GRXCR1: variants seen among roughly 807,000 people sequenced by gnomAD.
GRXCR1 encodes glutaredoxin domain-containing cysteine-rich protein 1.
Under a neutral mutation model 27.3 loss-of-function variants are expected in GRXCR1, and 27 were observed. The observed-to-expected ratio is 0.99, with a 90% CI of 0.73 to 1.37. GRXCR1 has a LOEUF of 1.37. GRXCR1 is among the 40% of genes most tolerant of loss of function. GRXCR1 has a pLI of 0.00. For synonymous variants in GRXCR1, 122 were observed against 131.1 expected, an observed-to-expected ratio of 0.93 and a Z score of 0.47; for missense variants, 379 against 354.4, an observed-to-expected ratio of 1.07 and a Z score of -0.56.
intron 2 of GRXCR1, among the ~76,000 whole-genome samples, chr4:42,995,690 A>T (rs957923486): frequency 7.9e-5 from 12 of 152,148 alleles, no homozygotes; most frequent in Non-Finnish European, 1.5e-4. Flanking sequence ...TATGTACGCC[A>T]CTCTTTCGGT....
At chr4:42,971,904 A>G (rs1468362689) in intron 2 of GRXCR1, among the ~76,000 whole-genome samples, 2 of 152,180 alleles carry the variant, frequency 1.3e-5, no homozygotes, top group African/African-American at 2.4e-5. Flanking sequence ...TTTAAAAAAC[A>G]TCTCTGATAT....
At chr4:43,025,441 A>G (rs1026984237) in intron 3 of GRXCR1, among the ~76,000 whole-genome samples, 2 of 152,188 alleles carry the variant, frequency 1.3e-5, no homozygotes, top group Admixed American at 6.5e-5. Context: ...CTGAGTATCT[A>G]TCTTTTAAAA....
At chr4:42,963,217 C>T (rs1748168654) in intron 2 of GRXCR1, 83 bp downstream of exon 2, 33 of 1,487,044 alleles carry the variant, frequency 2.2e-5, no homozygotes, top group Non-Finnish European at 2.7e-5. Context: ...ACATTTGCAG[C>T]GTAACTACTG....
Position 42,903,437 on chromosome 4 carries a change from A to G in GRXCR1, c.384+9787A>G, listed in dbSNP as rs533205388. ...TGCCATTCTCCTGCCTCAGCCTCCC[A>G]AGTAGCTGGGACTACAGGCACCCAC... is the stretch of plus-strand genomic sequence containing the variant. On this transcript the variant is annotated intron_variant, in intron 1 of 3. Transcript: ENST00000399770. Among the ~76,000 whole-genome samples the G allele has an allele frequency of 4.1e-3, 587 of 143,320 alleles. 29 individuals are homozygous for G. Among genetic ancestry groups the G allele is most frequent in the Non-Finnish European group, 6.4e-3 (426 of 66,424 alleles). The allele number at this position is 143,320 out of a possible 152,430, so 94.0% of individuals were successfully genotyped here.
At chr4:43,017,825 T>G (rs1186120102) in intron 2 of GRXCR1, among the ~76,000 whole-genome samples, 2 of 152,210 alleles carry the variant, frequency 1.3e-5, no homozygotes, top group East Asian at 3.8e-4. Context: ...TACACTCTCT[T>G]TTGTGGACAC....
At chr4:42,992,433 T>C (rs917231125) in intron 2 of GRXCR1, among the ~76,000 whole-genome samples, 4 of 152,192 alleles carry the variant, frequency 2.6e-5, no homozygotes, top group Admixed American at 1.3e-4. Flanking sequence ...TGTGATTTTA[T>C]GCATTATATG....
intron 3 of GRXCR1, among the ~76,000 whole-genome samples, chr4:43,025,567 G>A (rs1349088626): frequency 6.6e-6 from 1 of 152,204 alleles, no homozygotes; most frequent in Non-Finnish European, 1.5e-5. Flanking sequence ...CTATTCAGAG[G>A]AGAGGAGACA....
At chr4:43,022,053 A>C (rs930919108) in intron 3 of GRXCR1, among the ~76,000 whole-genome samples, 2 of 152,104 alleles carry the variant, frequency 1.3e-5, no homozygotes, top group Non-Finnish European at 2.9e-5. Context: ...GGATCTATTT[A>C]TTTCTTTCTG....
chr4:42,983,516 T>C (rs1254057140), intron 2 of GRXCR1, among the ~76,000 whole-genome samples: 2 of 151,588 alleles, frequency 1.3e-5, no homozygotes, highest in Non-Finnish European at 2.9e-5. Context: ...TTCTTTTGGC[T>C]TAGGATTGAC....
At chr4:42,936,576 T>C (rs1747462953) in intron 1 of GRXCR1, among the ~76,000 whole-genome samples, 1 of 151,924 alleles carries the variant, frequency 6.6e-6, no homozygotes, top group Non-Finnish European at 1.5e-5. Flanking sequence ...AATGAACCAA[T>C]ACTGATAAAT....
intron 3 of GRXCR1, among the ~76,000 whole-genome samples, chr4:43,020,919 G>T (rs554498876): frequency 6.6e-6 from 1 of 152,052 alleles, no homozygotes; most frequent in South Asian, 2.1e-4. Context: ...ACATGCAACC[G>T]GAAAGCCCTT....
At chr4:43,023,461 G>A (rs1481265037) in intron 3 of GRXCR1, among the ~76,000 whole-genome samples, 1 of 152,190 alleles carries the variant, frequency 6.6e-6, no homozygotes, top group Non-Finnish European at 1.5e-5. Context: ...AATTGCTGGG[G>A]AAGCTGAGTC....
intron 2 of GRXCR1, among the ~76,000 whole-genome samples, chr4:42,979,352 T>C (rs1009471044): frequency 3.9e-5 from 6 of 152,094 alleles, no homozygotes; most frequent in African/African-American, 1.4e-4. Context: ...TTGAGATACA[T>C]TTCTTCTATA....
At position 42,963,152 on chromosome 4, in the gene GRXCR1, G is replaced by T; in HGVS notation, c.627+18G>T. On this transcript the variant is annotated intron_variant, in intron 2 of 3. Coordinates refer to ENST00000399770, the MANE Select transcript of GRXCR1 (RefSeq NM_001080476.3). ...ACCTTGGGGTAAGTAAGCTGCCCAG[G>T]AAAGTCTTTTTCATAGAACCCAACC... is the stretch of plus-strand genomic sequence containing the variant. 6.2e-7 allele frequency: 1 copy of T among 1,611,842 alleles called. No individual in the cohort carries two copies. The highest frequency in any genetic ancestry group is 8.5e-7 in the Non-Finnish European group (1 of 1,178,324).
chr4:43,002,978 A>G (rs1316308993), intron 2 of GRXCR1, among the ~76,000 whole-genome samples: 1 of 152,222 alleles, frequency 6.6e-6, no homozygotes, highest in Non-Finnish European at 1.5e-5. Flanking sequence ...TTCTCAAGAT[A>G]GTGAGTGAGT....
Position 43,030,607 on chromosome 4 carries a change from A to T in GRXCR1, c.*67A>T, listed in dbSNP as rs1023505168. ...AGGCAATACTTTGGTTTATATATAT[A>T]TTTTTAAATGGTTATGTTTATGGAT... is the stretch of plus-strand genomic sequence containing the variant. On this transcript the variant is annotated 3_prime_UTR_variant, in exon 4 of 4. Transcript: ENST00000399770. The T allele has an allele frequency of 2.4e-5, 29 of 1,218,856 alleles. No homozygotes were observed. The highest frequency in any genetic ancestry group is 3.1e-5 in the Non-Finnish European group (26 of 831,346). The allele number at this position is 1,218,856 out of a possible 1,614,324, so 75.5% of individuals were successfully genotyped here.
At position 43,001,893 on chromosome 4, in the gene GRXCR1, C is replaced by T. The variant is rs1577939781; in HGVS notation, c.628-18461C>T. ...TAATAAGGAGAAGGTCAGCAAAAAA[C>T]ATGTGAGCAAAATAATCTATGTCAT... On this transcript the variant is annotated intron_variant, in intron 2 of 3. Coordinates refer to ENST00000399770, the MANE Select transcript of GRXCR1 (RefSeq NM_001080476.3). Among the ~76,000 whole-genome samples, 10 of 152,224 alleles carry T rather than the reference C, an allele frequency of 6.6e-5. 1 individual carries two copies. The South Asian group carries it at 2.1e-3, about 32-fold the overall frequency.
At chr4:42,977,683 TC>T (rs1256628328) in intron 2 of GRXCR1, among the ~76,000 whole-genome samples, 3 of 152,072 alleles carry the variant, frequency 2.0e-5, no homozygotes, top group Admixed American at 2.0e-4. Flanking sequence ...GTTTTTGGGT[TC>T]CTTGTATATT....
At chr4:42,972,749 C>A (rs1291536195) in intron 2 of GRXCR1, among the ~76,000 whole-genome samples, 1 of 152,118 alleles carries the variant, frequency 6.6e-6, no homozygotes, top group Non-Finnish European at 1.5e-5. Flanking sequence ...CTTCAGATCA[C>A]AATGGGTGTA....
Sources: gnomAD v4.1 joint callset for allele counts (sites outside exome capture counted in the v4.1 genomes callset) on GRCh38, gnomAD v4.1.1 for gene constraint, MANE v1.5 for transcripts, NCBI Gene and HGNC (gene_info 2026-07-23, HGNC 2026-07-21) for gene names.